The following CHRM2 variants were observed in gnomAD, a reference collection of about 807,000 sequenced individuals.
CHRM2 encodes muscarinic acetylcholine receptor M2.
A neutral mutation model predicts 25.0 loss-of-function variants in CHRM2; 8 were observed. That is an observed-to-expected ratio of 0.32 (90% CI 0.19 to 0.58). The LOEUF is 0.58. Among genes scored for constraint, CHRM2 ranks in the 20% least tolerant of loss-of-function variants. The pLI is 0.88. For missense variants in CHRM2, 440 were observed against 567.1 expected, an observed-to-expected ratio of 0.78 and a Z score of 2.28; for synonymous variants, 202 against 205.7, an observed-to-expected ratio of 0.98 and a Z score of 0.15.
chr7:137,014,697 A>T (rs1474352835), intron 3 of CHRM2, 123 bp from the exon 4 acceptor site: 2 of 685,942 alleles, frequency 2.9e-6, no homozygotes. Context: ...AGGTAGACAC[A>T]GTAATCATGC....
At chr7:136,919,708 A>G (rs1039785761) in intron 2 of CHRM2, among the ~76,000 whole-genome samples, 14 of 152,074 alleles carry the variant, frequency 9.2e-5, no homozygotes, top group African/African-American at 2.9e-4. Flanking sequence ...CTGGTGTTCT[A>G]CTTTTCCAGA....
intron 3 of CHRM2, among the ~76,000 whole-genome samples, chr7:137,014,513 T>C (rs1805040427): frequency 6.6e-6 from 1 of 152,066 alleles, no homozygotes; most frequent in Non-Finnish European, 1.5e-5. Flanking sequence ...ATCAGTATTA[T>C]GCTAAGTTTC....
In CHRM2 at chr7:136,918,201, G is replaced by A. The variant is rs144451081; in HGVS notation, c.-125+48783G>A. 5.9e-3 allele frequency among the ~76,000 whole-genome samples: 891 copies of A among 152,068 alleles called. 7 individuals carry two copies. Among genetic ancestry groups the A allele is most frequent in the Admixed American group, 0.013 (204 of 15,266 alleles). ...TTAAAGTTTTAGGTGCCTTGGAAGG[G>A]TTTCTCAAGCTAATGAATTACATAA... is the stretch of plus-strand genomic sequence containing the variant. On this transcript the variant is annotated intron_variant, in intron 2 of 3. Coordinates refer to ENST00000680005, the MANE Select transcript of CHRM2 (RefSeq NM_001006630.2).
At chr7:136,974,168 T>G (rs920496020) in intron 2 of CHRM2, among the ~76,000 whole-genome samples, 1 of 152,216 alleles carries the variant, frequency 6.6e-6, no homozygotes, top group African/African-American at 2.4e-5. Flanking sequence ...TTACGATGCT[T>G]CTACCAAGCA....
At chr7:136,938,574 A>C (rs2130806568) in intron 2 of CHRM2, 1 of 890,886 alleles carries the variant, frequency 1.1e-6, no homozygotes, top group African/African-American at 1.6e-5. Context: ...GCCCCACCAT[A>C]GCCGCTGCCC....
intron 2 of CHRM2, among the ~76,000 whole-genome samples, chr7:136,936,061 T>A (rs1441698337): frequency 6.6e-6 from 1 of 152,150 alleles, no homozygotes; most frequent in Non-Finnish European, 1.5e-5. Flanking sequence ...TTGGAACTCT[T>A]GTTAAAATTT....
At chr7:137,013,936 A>G (rs983525278) in intron 3 of CHRM2, among the ~76,000 whole-genome samples, 1 of 152,016 alleles carries the variant, frequency 6.6e-6, no homozygotes, top group Non-Finnish European at 1.5e-5. Context: ...CTTCTACAAA[A>G]CAAAAAGTTT....
At chr7:136,981,474 T>C (rs1277912823) in intron 2 of CHRM2, among the ~76,000 whole-genome samples, 2 of 152,206 alleles carry the variant, frequency 1.3e-5, no homozygotes. Context: ...ATCTTAGTTA[T>C]TTCTTGTCTT....
rs1339830262 is a variant in CHRM2, at chr7:137,017,587, GAA to G, written c.*1323_*1324del. On this transcript the variant is annotated 3_prime_UTR_variant, in exon 4 of 4. Transcript: ENST00000680005. ...AAACGATATTTTAAAAACTATTACT[GAA>G]ACAATTACATATTCCATATTCCTCA... The G allele has an allele frequency of 6.6e-6, 1 of 151,920 alleles. No individual in the cohort carries two copies. The highest frequency in any genetic ancestry group is 1.5e-5 in the Non-Finnish European group (1 of 67,936). The allele number at this position is 151,920 out of a possible 1,614,324, so 9.4% of individuals were successfully genotyped here.
chr7:137,016,619 TTTG>T lies in CHRM2; in HGVS notation c.*365_*367del, dbSNP rs1481838446. 5.0e-5 allele frequency: 13 copies of T among 259,754 alleles called. No homozygotes were observed. The South Asian group carries it at 7.0e-4, about 14-fold the overall frequency. The allele number at this position is 259,754 out of a possible 1,614,324, so 16.1% of individuals were successfully genotyped here. On this transcript the variant is annotated 3_prime_UTR_variant, in exon 4 of 4. Transcript: ENST00000680005. The stretch of plus-strand genomic sequence containing the variant: ...ATAACCTTGTTCCTTTTTTGTTACT[TTTG>T]TTGTTGTTGTTCTCATGTGTCCTTA...
At chr7:136,925,481 T>C (rs569243369) in intron 2 of CHRM2, among the ~76,000 whole-genome samples, 5 of 152,096 alleles carry the variant, frequency 3.3e-5, no homozygotes, top group Admixed American at 2.0e-4. Flanking sequence ...AAAGGGTATG[T>C]TAATTGATTA....
intron 2 of CHRM2, among the ~76,000 whole-genome samples, chr7:136,972,206 A>G (rs894403199): frequency 1.2e-4 from 19 of 152,144 alleles, no homozygotes; most frequent in African/African-American, 4.6e-4. Context: ...CCAACAGACA[A>G]AAACTAAAGG....
Position 136,997,238 on chromosome 7 carries a change from G to T in CHRM2, c.-47+4974G>T, listed in dbSNP as rs186950958. The stretch of plus-strand genomic sequence containing the variant: ...ATTGCATGCTCATGTATGTGTGTAG[G>T]AAGATAAACAAGATTTCAAAAGCAG... On this transcript the variant is annotated intron_variant, in intron 3 of 3. Coordinates refer to ENST00000680005, the MANE Select transcript of CHRM2 (RefSeq NM_001006630.2). Among the ~76,000 whole-genome samples the T allele has an allele frequency of 4.6e-5, 7 of 152,292 alleles. No individual in the cohort carries two copies. In the South Asian group the frequency reaches 8.3e-4, roughly 18 times the overall value.
intron 2 of CHRM2, among the ~76,000 whole-genome samples, chr7:136,982,984 G>T (rs866251588): frequency 1.8e-4 from 27 of 152,168 alleles, no homozygotes; most frequent in African/African-American, 6.5e-4. Flanking sequence ...TTGAATGTTG[G>T]CCTGTCTTAC....
At chr7:136,982,486 A>G (rs2130980551) in intron 2 of CHRM2, among the ~76,000 whole-genome samples, 1 of 152,258 alleles carries the variant, frequency 6.6e-6, no homozygotes. Context: ...TCCTGTCATT[A>G]TGATGCTAGC....
chr7:136,923,418 G>A (rs1798564056), intron 2 of CHRM2, among the ~76,000 whole-genome samples: 1 of 152,090 alleles, frequency 6.6e-6, no homozygotes, highest in Non-Finnish European at 1.5e-5. Context: ...AAACGGATCA[G>A]AGGATTCAGG....
chr7:136,974,104 TAG>T (rs1182403248), intron 2 of CHRM2, among the ~76,000 whole-genome samples: 2 of 152,168 alleles, frequency 1.3e-5, no homozygotes, highest in African/African-American at 4.8e-5. Flanking sequence ...TAAATAAAAT[TAG>T]AGTGTCTTAT....
chr7:136,929,859 C>T (rs1798958877), intron 2 of CHRM2, among the ~76,000 whole-genome samples: 1 of 151,434 alleles, frequency 6.6e-6, no homozygotes, highest in African/African-American at 2.4e-5. Context: ...TCCAAGTTAA[C>T]AAAGAGAAAA....
At chr7:136,981,307 A>G (rs913989679) in intron 2 of CHRM2, among the ~76,000 whole-genome samples, 2 of 152,064 alleles carry the variant, frequency 1.3e-5, no homozygotes, top group Non-Finnish European at 2.9e-5. Flanking sequence ...ATCATTTTTC[A>G]TTGTGTCTAT....
Sources: allele counts gnomAD v4.1 joint callset (sites outside exome capture counted in the v4.1 genomes callset), GRCh38; gene constraint gnomAD v4.1.1; transcripts MANE v1.5; gene names NCBI Gene and HGNC (gene_info 2026-07-23, HGNC 2026-07-21).